DOCK4: variants seen among roughly 807,000 people sequenced by gnomAD.
DOCK4 encodes the protein dedicator of cytokinesis 4, also known as dedicator of cytokinesis protein 4.
A neutral mutation model predicts 268.1 loss-of-function variants in DOCK4; 97 were observed. The ratio of observed to expected loss-of-function variants is 0.36; its 90% CI spans 0.31 to 0.43. The LOEUF (loss-of-function observed/expected upper bound fraction) is 0.43. DOCK4 is among the 20% of genes least tolerant of loss of function. The pLI, the probability that DOCK4 is intolerant of heterozygous loss-of-function variation, is 1.00. For synonymous variants in DOCK4, 954 were observed against 887.2 expected (o/e 1.08, Z -1.34); for missense variants, 2,145 against 2,455.7 (o/e 0.87, Z 2.67).
At chr7:112,119,049 C>T (rs114020033) in intron 1 of DOCK4, among the ~76,000 whole-genome samples, 42 of 152,214 alleles carry the variant, frequency 2.8e-4, no homozygotes, top group African/African-American at 9.6e-4. Flanking sequence ...CACTTTGGCT[C>T]GCTGTTTCCA....
intron 12 of DOCK4, among the ~76,000 whole-genome samples, chr7:111,933,530 T>G (rs1291992483): frequency 6.6e-6 from 1 of 151,692 alleles, no homozygotes; most frequent in African/African-American, 2.4e-5. Context: ...CTCCTGACCT[T>G]GTGATCCACC....
At chr7:111,902,691 G>C (rs1403447397) in intron 13 of DOCK4, among the ~76,000 whole-genome samples, 1 of 151,598 alleles carries the variant, frequency 6.6e-6, no homozygotes, top group Non-Finnish European at 1.5e-5. Context: ...GAGATGGCAA[G>C]GTCGAATTTA....
chr7:111,861,112 G>A (rs985804476), intron 23 of DOCK4, among the ~76,000 whole-genome samples: 3 of 152,114 alleles, frequency 2.0e-5, no homozygotes, highest in African/African-American at 4.8e-5. Flanking sequence ...AAAGCAGGGT[G>A]CTCCGTTGGG....
In DOCK4 at chr7:112,129,628, G is replaced by A. The variant is rs781109021; in HGVS notation, c.37+76474C>T. On this transcript the variant is annotated intron_variant, in intron 1 of 52. Transcript: ENST00000428084. ...AACTGTATAAGATGTCACCATTAAG[G>A]GAGCTGAGTGAAGGGTACATAAAAT... Among the ~76,000 whole-genome samples the A allele has an allele frequency of 3.9e-5, 6 of 152,250 alleles. No individual in the cohort carries two copies. The Middle Eastern group carries it at 0.01, about 259-fold the overall frequency.
intron 38 of DOCK4, among the ~76,000 whole-genome samples, chr7:111,765,899 T>C (rs568749887): frequency 1.3e-5 from 2 of 152,296 alleles, no homozygotes; most frequent in South Asian, 2.1e-4. Context: ...AAGACTAATA[T>C]TACACTTAAA....
chr7:112,081,863 A>G (rs189203254), intron 1 of DOCK4, among the ~76,000 whole-genome samples: 35 of 152,198 alleles, frequency 2.3e-4, no homozygotes, highest in Non-Finnish European at 4.4e-4. Flanking sequence ...GTGAAGACCA[A>G]AAGAGGAAGA....
chr7:112,105,497 G>A (rs1341960014), intron 1 of DOCK4, among the ~76,000 whole-genome samples: 2 of 150,698 alleles, frequency 1.3e-5, no homozygotes, highest in African/African-American at 4.9e-5. Flanking sequence ...AACTATATGA[G>A]TTAACTTGGA....
At chr7:112,143,615 T>C (rs1049714472) in intron 1 of DOCK4, among the ~76,000 whole-genome samples, 2 of 152,214 alleles carry the variant, frequency 1.3e-5, no homozygotes, top group African/African-American at 4.8e-5. Context: ...CTATAAGGAA[T>C]GGGAGGGCCT....
chr7:112,056,651 T>C (rs1408433814), intron 1 of DOCK4, among the ~76,000 whole-genome samples: 1 of 152,158 alleles, frequency 6.6e-6, no homozygotes, highest in African/African-American at 2.4e-5. Flanking sequence ...CAAGATTATC[T>C]TGGTTTAACT....
At chr7:111,776,347 G>A (rs1798441175) in intron 36 of DOCK4, among the ~76,000 whole-genome samples, 1 of 151,994 alleles carries the variant, frequency 6.6e-6, no homozygotes, top group African/African-American at 2.4e-5. Flanking sequence ...AATTGAAGCT[G>A]TAAAAAGAAA....
At chr7:111,895,217 A>G (rs1808641669) in intron 16 of DOCK4, among the ~76,000 whole-genome samples, 2 of 152,196 alleles carry the variant, frequency 1.3e-5, no homozygotes, top group Non-Finnish European at 2.9e-5. Flanking sequence ...GCTTAGTAAC[A>G]ATAGCAGACA....
intron 1 of DOCK4, among the ~76,000 whole-genome samples, chr7:112,193,077 T>C (rs1412732495): frequency 3.9e-5 from 6 of 152,262 alleles, no homozygotes; most frequent in Admixed American, 2.0e-4. Context: ...AAAACTTCCA[T>C]CTACTTTTTA....
At chr7:111,956,246 A>G (rs1796438357) in intron 8 of DOCK4, among the ~76,000 whole-genome samples, 1 of 152,226 alleles carries the variant, frequency 6.6e-6, no homozygotes, top group African/African-American at 2.4e-5. Context: ...GGAAAGTTAA[A>G]GTAAAGTAAA....
intron 1 of DOCK4, among the ~76,000 whole-genome samples, chr7:112,058,024 ATTTTTT>A (rs67991598): frequency 0.012 from 1,356 of 115,036 alleles, 27 homozygotes; most frequent in African/African-American, 0.041. Flanking sequence ...TACAGGTTCA[ATTTTTT>A]TTTTTTTTTT....
intron 30 of DOCK4, among the ~76,000 whole-genome samples, chr7:111,796,655 T>C (rs1017461665): frequency 1.3e-5 from 2 of 152,250 alleles, no homozygotes; most frequent in African/African-American, 4.8e-5. Flanking sequence ...GAACCATTTT[T>C]TTTTAAAGGT....
intron 1 of DOCK4, among the ~76,000 whole-genome samples, chr7:112,162,511 TTCTCTCTCTCTCTC>T (rs10551859): frequency 7.1e-5 from 10 of 140,628 alleles, no homozygotes; most frequent in African/African-American, 2.3e-4. Flanking sequence ...GTCTCTTTCT[TTCTCTCTCTCTCTC>T]TCTCTCTCTC....
intron 16 of DOCK4, among the ~76,000 whole-genome samples, chr7:111,894,404 T>C (rs914233491): frequency 6.6e-6 from 1 of 152,078 alleles, no homozygotes; most frequent in African/African-American, 2.4e-5. Flanking sequence ...GGCTCATAAA[T>C]CTAATGGGGC....
At chr7:111,735,879 C>T (rs1265857720) in intron 50 of DOCK4, among the ~76,000 whole-genome samples, 2 of 152,142 alleles carry the variant, frequency 1.3e-5, no homozygotes, top group Non-Finnish European at 2.9e-5. Flanking sequence ...ATCTGGTGGG[C>T]ATGTTGAGAA....
chr7:112,027,194 C>T (rs1802876316), intron 1 of DOCK4, among the ~76,000 whole-genome samples: 1 of 152,160 alleles, frequency 6.6e-6, no homozygotes, highest in Middle Eastern at 3.4e-3. Context: ...AGACAGGCTA[C>T]CTTTCTTTAC....
Sources: gnomAD v4.1 joint callset for allele counts (sites outside exome capture counted in the v4.1 genomes callset) on GRCh38, gnomAD v4.1.1 for gene constraint, MANE v1.5 for transcripts, NCBI Gene and HGNC (gene_info 2026-07-23, HGNC 2026-07-21) for gene names.